Variants in XPO1 observed in about 807,000 individuals in gnomAD.
XPO1 encodes the protein exportin 1.
XPO1 carries 5 observed loss-of-function variants against 133.3 expected under a neutral mutation model. That is an observed-to-expected ratio of 0.04 (90% CI 0.02 to 0.08). XPO1 has a LOEUF of 0.08. Among genes scored for constraint, XPO1 ranks in the 10% least tolerant of loss-of-function variants. The pLI is 1.00. For synonymous variants in XPO1, 419 were observed against 408.2 expected (o/e 1.03, Z -0.32); for missense variants, 506 against 1,267.5 (o/e 0.40, Z 9.12).
At chr2:61,483,478 CA>C in intron 21 of XPO1, 1 of 188,520 alleles carries the variant, frequency 5.3e-6, no homozygotes, top group African/African-American at 2.4e-5. Context: ...ACAGGTGCAC[CA>C]AAATCTCAGA....
intron 21 of XPO1, 198 bp from the exon 22 acceptor site, chr2:61,483,289 A>C (rs1696493733): frequency 1.9e-6 from 1 of 532,492 alleles, no homozygotes; most frequent in Middle Eastern, 5.2e-4. Context: ...CTTATAAATT[A>C]TAATAAGTTG....
intron 4 of XPO1, among the ~76,000 whole-genome samples, chr2:61,518,276 G>T (rs552454349): frequency 6.6e-6 from 1 of 151,998 alleles, no homozygotes; most frequent in East Asian, 1.9e-4. Flanking sequence ...GAAAAAGCCA[G>T]GCGCGGTGGT....
chr2:61,532,204 T>G (rs533149412), intron 2 of XPO1, among the ~76,000 whole-genome samples: 32 of 152,238 alleles, frequency 2.1e-4, no homozygotes, highest in Admixed American at 8.5e-4. Context: ...CTCGGCTCAC[T>G]GCAAGCTCCG....
In XPO1 at chr2:61,490,221, C is replaced by CA. The variant is rs1424618550; in HGVS notation, c.2022+420dup. On this transcript the variant is annotated intron_variant, in intron 17 of 24. Transcript: ENST00000401558. ...TTCATTTATTTTTTTTTTTTTGAGA[C>CA]AGAGTCTTGCTCTGTCGTCTCGGCT... 3.7e-5 allele frequency among the ~76,000 whole-genome samples: 5 copies of CA among 134,116 alleles called. No homozygotes were observed. The East Asian group carries it at 1.1e-3, about 31-fold the overall frequency. 88.0% of individuals were successfully genotyped at this position (134,116 alleles called of 152,430 possible). A position where few individuals can be genotyped will look rare whatever the true frequency, so the allele number is the denominator to read the frequency against.
intron 2 of XPO1, 124 bp from the exon 3 acceptor site, chr2:61,526,645 G>T: frequency 1.6e-6 from 1 of 625,666 alleles, no homozygotes; most frequent in Non-Finnish European, 2.4e-6. Context: ...TTGATGTTCA[G>T]AAATACTCAA....
chr2:61,478,418 C>T lies in XPO1; in HGVS notation c.*402G>A, dbSNP rs1170643320. ...CAATTTGTTTTACTCATTATCTTTT[C>T]TTCTAGGCTGAAATAGACTAGAAGG... On this transcript the variant is annotated 3_prime_UTR_variant, in exon 25 of 25. Transcript: ENST00000401558. The T allele has an allele frequency of 2.3e-5, 6 of 261,788 alleles. No homozygotes were observed. The highest frequency in any genetic ancestry group is 3.6e-5 in the Non-Finnish European group (5 of 137,142). The allele number at this position is 261,788 out of a possible 1,614,324, so 16.2% of individuals were successfully genotyped here.
At chr2:61,490,885 TG>T (rs1696946641) in intron 16 of XPO1, 109 bp from the exon 17 acceptor site, 3 of 1,331,188 alleles carry the variant, frequency 2.3e-6, no homozygotes, top group East Asian at 4.6e-5. Flanking sequence ...CCAGGTGCAG[TG>T]GATCACTCCT....
intron 4 of XPO1, among the ~76,000 whole-genome samples, chr2:61,513,497 G>A (rs938024552): frequency 6.7e-6 from 1 of 149,062 alleles, no homozygotes; most frequent in African/African-American, 2.5e-5. Context: ...GCTAATTTTT[G>A]TATCTTTAGT....
At chr2:61,528,130 T>C (rs968815478) in intron 2 of XPO1, among the ~76,000 whole-genome samples, 1 of 151,974 alleles carries the variant, frequency 6.6e-6, no homozygotes, top group Non-Finnish European at 1.5e-5. Flanking sequence ...TTTCACTGTA[T>C]TGGCCAGGCT....
Position 61,497,122 on chromosome 2 carries a change from A to G in XPO1, c.760-115T>C, listed in dbSNP as rs982875826. The G allele has an allele frequency of 9.2e-6, 12 of 1,300,126 alleles. No individual in the cohort carries two copies. The African/African-American group carries it at 1.5e-4, about 16-fold the overall frequency. The allele number at this position is 1,300,126 out of a possible 1,614,324, so 80.5% of individuals were successfully genotyped here. On this transcript the variant is annotated intron_variant, in intron 9 of 24. Transcript: ENST00000401558. ...CAATTAAATATAGGGGTAGATGTCAAAAACAGGCCAAGTGAATGAACATAT... is the reference window on the plus strand; with the variant it reads ...CAATTAAATATAGGGGTAGATGTCAGAAACAGGCCAAGTGAATGAACATAT...
At chr2:61,479,412 A>G (rs1265501438) in intron 24 of XPO1, among the ~76,000 whole-genome samples, 2 of 151,752 alleles carry the variant, frequency 1.3e-5, no homozygotes, top group East Asian at 3.9e-4. Context: ...AGATCACGCC[A>G]CTGCTCTCCA....
chr2:61,484,762 G>C (rs1696593783), intron 20 of XPO1: 1 of 152,474 alleles, frequency 6.6e-6, no homozygotes, highest in African/African-American at 2.4e-5. Flanking sequence ...CCGAGTAGCT[G>C]GGACTACAGG....
At chr2:61,481,655 G>A (rs1016917940) in intron 23 of XPO1, among the ~76,000 whole-genome samples, 2 of 151,620 alleles carry the variant, frequency 1.3e-5, no homozygotes, top group South Asian at 2.1e-4. Context: ...ATGTTGGTCA[G>A]GCAAATCTCA....
intron 6 of XPO1, 148 bp downstream of exon 6, chr2:61,501,848 G>C (rs753162448): frequency 1.5e-4 from 91 of 598,510 alleles, no homozygotes; most frequent in Non-Finnish European, 2.4e-4. Context: ...TAACATTCAA[G>C]TACTAGACAG....
At chr2:61,488,099 G>T in intron 19 of XPO1, 66 bp downstream of exon 19, 1 of 1,375,298 alleles carries the variant, frequency 7.3e-7, no homozygotes, top group Non-Finnish European at 1.0e-6. Context: ...ACATAATAGA[G>T]TATAGCATAT....
intron 2 of XPO1, among the ~76,000 whole-genome samples, chr2:61,532,188 C>T (rs1289926969): frequency 4.6e-5 from 7 of 152,032 alleles, no homozygotes; most frequent in African/African-American, 1.7e-4. Context: ...AGTGCAGTGG[C>T]GCAACCTCGG....
At chr2:61,494,587 G>A (rs1260603343) in intron 11 of XPO1, 1 of 153,398 alleles carries the variant, frequency 6.5e-6, no homozygotes, top group East Asian at 1.9e-4. Flanking sequence ...AATCAGAATA[G>A]ATATATCTAC....
chr2:61,511,980 G>C (rs948972158), intron 4 of XPO1, among the ~76,000 whole-genome samples: 1 of 151,994 alleles, frequency 6.6e-6, no homozygotes, highest in Non-Finnish European at 1.5e-5. Context: ...ATGTTGGCCA[G>C]ACTGGTCTCG....
At chr2:61,480,689 T>C (rs1246286060) in intron 24 of XPO1, 1 of 152,172 alleles carries the variant, frequency 6.6e-6, no homozygotes, top group East Asian at 1.9e-4. Flanking sequence ...CTAATTCTTA[T>C]TCAACAATCA....
Sources: gnomAD v4.1 joint callset for allele counts (sites outside exome capture counted in the v4.1 genomes callset) on GRCh38, gnomAD v4.1.1 for gene constraint, MANE v1.5 for transcripts, NCBI Gene and HGNC (gene_info 2026-07-23, HGNC 2026-07-21) for gene names.